PTCHD4: variants seen among roughly 807,000 people sequenced by gnomAD.
PTCHD4 encodes patched domain containing 4.
Under a neutral mutation model 58.1 loss-of-function variants are expected in PTCHD4, and 33 were observed. The ratio of observed to expected loss-of-function variants is 0.57; its 90% CI spans 0.43 to 0.76. The LOEUF is 0.76. Among genes scored for constraint, PTCHD4 ranks in the 30% least tolerant of loss-of-function variants. PTCHD4 has a pLI of 0.00. For synonymous variants in PTCHD4, 478 were observed against 409.6 expected (o/e 1.17, Z -2.02); for missense variants, 1,058 against 1,027.1 (o/e 1.03, Z -0.41).
intron 4 of PTCHD4, among the ~76,000 whole-genome samples, chr6:47,893,378 G>T (rs1189889084): frequency 2.0e-5 from 3 of 152,146 alleles, no homozygotes; most frequent in African/African-American, 7.2e-5. Context: ...AAAAAGAAAA[G>T]GTTGTATGTG....
chr6:47,878,950 G>C lies in PTCHD4; in HGVS notation c.1885C>G (p.Leu629Val). ...ITEVLEKLRP[L>V]SLSKSIRFIV... Reference sequence around the variant, plus strand: ...AATCGGATGCTCTTTGAGAGGGATAGGGGCCTCAGCTTTTCCAACACTTCT... The same window carrying C: ...AATCGGATGCTCTTTGAGAGGGATACGGGCCTCAGCTTTTCCAACACTTCT... The change falls in exon 5 of 5, where the codon CTA (leucine) becomes GTA (valine). Residue 629 changes from leucine to valine, a missense_variant. Coordinates refer to ENST00000339488, the MANE Select transcript of PTCHD4 (RefSeq NM_001384253.1). The C allele has an allele frequency of 6.2e-7, 1 of 1,612,982 alleles. No individual in the cohort carries two copies. The highest frequency in any genetic ancestry group is 8.5e-7 in the Non-Finnish European group (1 of 1,179,764).
Position 48,029,113 on chromosome 6 carries a change from C to T in PTCHD4, c.418-19999G>A, listed in dbSNP as rs558121868. ...GGTATAATACTATCAATCATAATTC[C>T]GGTTACTGTTTTAAACATTACATGC... On this transcript the variant is annotated intron_variant, in intron 3 of 4. Transcript: ENST00000339488. Among the ~76,000 whole-genome samples, 16 of 152,110 alleles carry T rather than the reference C, an allele frequency of 1.1e-4. 1 individual carries two copies. The East Asian group carries it at 2.5e-3, about 24-fold the overall frequency.
rs34397749 is a variant in PTCHD4 at position 47,891,065 on chromosome 6, A to G, written c.899-11129T>C. Reference sequence around the variant, plus strand: ...TCAACTAAAAAAAAAAAAAAAAAGTACAAAAAATTAACTGAGTGTGGTGGC... The same window carrying G: ...TCAACTAAAAAAAAAAAAAAAAAGTGCAAAAAATTAACTGAGTGTGGTGGC... On this transcript the variant is annotated intron_variant, in intron 4 of 4. Transcript: ENST00000339488. 4.9e-5 allele frequency among the ~76,000 whole-genome samples: 7 copies of G among 142,518 alleles called. No homozygotes were observed. In the Admixed American group the frequency reaches 5.0e-4, roughly 10 times the overall value. 93.5% of individuals were successfully genotyped at this position (142,518 alleles called of 152,430 possible). A position where few individuals can be genotyped will look rare whatever the true frequency, so the allele number is the denominator to read the frequency against.
At chr6:47,996,252 T>C (rs1010740124) in intron 4 of PTCHD4, among the ~76,000 whole-genome samples, 3 of 152,084 alleles carry the variant, frequency 2.0e-5, no homozygotes, top group Non-Finnish European at 1.5e-5. Context: ...GCGGATCACT[T>C]GAGGTCAGGA....
At chr6:48,095,005 G>A (rs1424836304) in intron 1 of PTCHD4, among the ~76,000 whole-genome samples, 1 of 152,144 alleles carries the variant, frequency 6.6e-6, no homozygotes, top group Non-Finnish European at 1.5e-5. Context: ...TCATTTTGGG[G>A]ACAGGGTAGT....
chr6:48,036,880 G>A (rs1487966727), intron 3 of PTCHD4, among the ~76,000 whole-genome samples: 1 of 152,142 alleles, frequency 6.6e-6, no homozygotes, highest in African/African-American at 2.4e-5. Flanking sequence ...CTGCCACTGT[G>A]CCTGATAAGG....
At chr6:47,927,924 A>G (rs1028021592) in intron 4 of PTCHD4, among the ~76,000 whole-genome samples, 1 of 151,670 alleles carries the variant, frequency 6.6e-6, no homozygotes, top group African/African-American at 2.4e-5. Flanking sequence ...TACCCATCCT[A>G]TTTCTTATTT....
At position 47,891,356 on chromosome 6, in the gene PTCHD4, C is replaced by T. The variant is rs542956456; in HGVS notation, c.899-11420G>A. Among the ~76,000 whole-genome samples, 4 of 152,024 alleles carry T rather than the reference C, an allele frequency of 2.6e-5. No homozygotes were observed. The South Asian group carries it at 8.3e-4, about 32-fold the overall frequency. On this transcript the variant is annotated intron_variant, in intron 4 of 4. Transcript: ENST00000339488. ...GTGTTGAGTGTTATCTTCTCGACCA[C>T]AGACAACCTCGCAAAACAGCATCAG...
chr6:48,004,857 C>T (rs1762372405), intron 4 of PTCHD4, among the ~76,000 whole-genome samples: 1 of 152,104 alleles, frequency 6.6e-6, no homozygotes, highest in African/African-American at 2.4e-5. Context: ...GTGGAGGTTG[C>T]AGTGAGCCAA....
At chr6:47,919,003 T>C (rs2113881608) in intron 4 of PTCHD4, among the ~76,000 whole-genome samples, 1 of 152,262 alleles carries the variant, frequency 6.6e-6, no homozygotes, top group South Asian at 2.1e-4. Context: ...GAACCCGTAG[T>C]GATAGCCAAG....
chr6:48,028,579 C>A (rs565214432), intron 3 of PTCHD4, among the ~76,000 whole-genome samples: 2 of 151,986 alleles, frequency 1.3e-5, no homozygotes, highest in East Asian at 1.9e-4. Flanking sequence ...TCTAAGTAAC[C>A]GAGTATTTTT....
At chr6:47,999,585 T>C (rs1255244370) in intron 4 of PTCHD4, among the ~76,000 whole-genome samples, 1 of 152,198 alleles carries the variant, frequency 6.6e-6, no homozygotes, top group East Asian at 1.9e-4. Flanking sequence ...GCCCACTATA[T>C]CCTAAACACT....
chr6:47,905,043 T>TCACACACACACACACACACA (rs70999653), intron 4 of PTCHD4, among the ~76,000 whole-genome samples: 18 of 131,670 alleles, frequency 1.4e-4, no homozygotes, highest in African/African-American at 2.8e-4. Context: ...AATACAGCCA[T>TCACACACACACACACACACA]CACACACACA....
intron 4 of PTCHD4, among the ~76,000 whole-genome samples, chr6:47,991,142 T>C (rs1367415946): frequency 6.6e-6 from 1 of 152,102 alleles, no homozygotes; most frequent in East Asian, 1.9e-4. Flanking sequence ...GTAAAAACCA[T>C]GAACCATGAA....
chr6:47,928,512 A>C (rs149221950), intron 4 of PTCHD4, among the ~76,000 whole-genome samples: 62 of 152,294 alleles, frequency 4.1e-4, no homozygotes, highest in African/African-American at 1.4e-3. Context: ...TTTTTATTAA[A>C]CTATACCAAC....
chr6:47,885,442 G>C (rs939373438), intron 4 of PTCHD4, among the ~76,000 whole-genome samples: 1 of 152,114 alleles, frequency 6.6e-6, no homozygotes, highest in Admixed American at 6.5e-5. Flanking sequence ...ATTTGCAATT[G>C]AGCCACATGA....
Position 48,106,546 on chromosome 6 carries a change from C to G in PTCHD4, c.-970+4503G>C, listed in dbSNP as rs370077038. On this transcript the variant is annotated intron_variant, in intron 1 of 4. Coordinates refer to ENST00000339488, the MANE Select transcript of PTCHD4 (RefSeq NM_001384253.1). Reference sequence around the variant, plus strand: ...ATTCCCTTTGAAAACTGGCACAAGACAGGGATGCCCTCTCTCACCACTCCT... The same window carrying G: ...ATTCCCTTTGAAAACTGGCACAAGAGAGGGATGCCCTCTCTCACCACTCCT... Among the ~76,000 whole-genome samples, 193 of 152,262 alleles carry G rather than the reference C, an allele frequency of 1.3e-3. 4 individuals carry two copies. In the South Asian group the frequency reaches 0.039, roughly 30 times the overall value.
intron 4 of PTCHD4, among the ~76,000 whole-genome samples, chr6:47,933,476 A>G (rs764069386): frequency 2.0e-5 from 3 of 152,222 alleles, no homozygotes; most frequent in African/African-American, 7.2e-5. Context: ...ATAAATTTCA[A>G]AGTGATTATA....
Position 47,874,320 on chromosome 6 carries a change from A to C in PTCHD4, c.*3983T>G, listed in dbSNP as rs966729728. ...ACCAAAAGCCATGAGGCATTTATGA[A>C]TAGGTGATGTAAGAAATTTTAATAA... On this transcript the variant is annotated 3_prime_UTR_variant, in exon 5 of 5. Coordinates refer to ENST00000339488, the MANE Select transcript of PTCHD4 (RefSeq NM_001384253.1). Among the ~76,000 whole-genome samples the C allele has an allele frequency of 4.0e-5, 6 of 151,710 alleles. No individual in the cohort carries two copies. The highest frequency in any genetic ancestry group is 8.9e-5 in the Non-Finnish European group (6 of 67,788).
Sources: gnomAD v4.1 joint callset for allele counts (sites outside exome capture counted in the v4.1 genomes callset) on GRCh38, gnomAD v4.1.1 for gene constraint, MANE v1.5 for transcripts, NCBI Gene and HGNC (gene_info 2026-07-23, HGNC 2026-07-21) for gene names.